The following RLN1 variants were observed in gnomAD, a reference collection of about 807,000 sequenced individuals.
The protein encoded by RLN1 is prorelaxin H1.
In RLN1, 4 loss-of-function variants were observed where a neutral mutation model predicts 7.2. The ratio of observed to expected loss-of-function variants is 0.56; its 90% CI spans 0.28 to 1.28. The LOEUF is 1.28. Ranked by LOEUF, RLN1 falls within the 50% of genes most tolerant of loss-of-function variation. The probability of loss-of-function intolerance (pLI) is 0.11; values close to 1 mark genes in which losing one functional copy is unlikely to be tolerated. For missense variants in RLN1, 293 were observed against 221.1 expected (o/e 1.32, Z -2.06); for synonymous variants, 105 against 86.0 (o/e 1.22, Z -1.22).
upstream of RLN1, chr9:5,339,937 C>T (rs1226021217): frequency 7.8e-5 from 48 of 615,116 alleles, no homozygotes; most frequent in Admixed American, 1.4e-3. Context: ...CCCTTTCCCA[C>T]ACCCCTCCAC....
intron 1 of RLN1, among the ~76,000 whole-genome samples, chr9:5,336,429 G>A (rs1324228236): frequency 6.6e-6 from 1 of 152,046 alleles, no homozygotes; most frequent in African/African-American, 2.4e-5. Context: ...CTGGCCAAAT[G>A]TGAAGGCTGG....
chr9:5,337,124 T>C (rs566855229), intron 1 of RLN1, among the ~76,000 whole-genome samples: 7 of 152,090 alleles, frequency 4.6e-5, no homozygotes, highest in Non-Finnish European at 1.0e-4. Flanking sequence ...TGACAGGTTT[T>C]GGCATTTTCC....
rs1295119730 is a variant in RLN1, at chr9:5,335,320, G to A, written c.489C>T (p.Pro163=). ...LDTHSQKKRR[P]YVALFEKCCL... is the part of the protein sequence containing the mutation. ...AACATTTCTCAAACAGTGCCACGTA[G>A]GGTCGTCTCTTTTTTTGAGAATGAG... is the stretch of plus-strand genomic sequence containing the variant. The change falls in exon 2 of 2, where the codon CCC becomes CCT. Residue 163 remains proline, a synonymous_variant. Coordinates refer to ENST00000223862, the MANE Select transcript of RLN1 (RefSeq NM_006911.4). 6.2e-7 allele frequency: 1 copy of A among 1,611,700 alleles called. No individual in the cohort carries two copies. Among genetic ancestry groups the A allele is most frequent in the Non-Finnish European group, 8.5e-7 (1 of 1,179,402 alleles).
upstream of RLN1, among the ~76,000 whole-genome samples, chr9:5,340,166 A>G (rs1405520475): frequency 1.3e-5 from 2 of 152,228 alleles, no homozygotes; most frequent in East Asian, 3.8e-4. Flanking sequence ...AGTTTTCCAG[A>G]GTGAACATTT....
Position 5,334,951 on chromosome 9 carries a change from T to G in RLN1, c.*300A>C. The G allele has an allele frequency of 4.0e-6, 1 of 247,860 alleles. No homozygotes were observed. The highest frequency in any genetic ancestry group is 7.6e-6 in the Non-Finnish European group (1 of 131,158). The allele number at this position is 247,860 out of a possible 1,614,324, so 15.4% of individuals were successfully genotyped here. A position where few individuals can be genotyped will look rare whatever the true frequency, so the allele number is the denominator to read the frequency against. ...CATGTAACTGTTGTTAGGTACTGTA[T>G]TGTTATTATGTATGGTTAAAGTGGC... On this transcript the variant is annotated 3_prime_UTR_variant, in exon 2 of 2. Transcript: ENST00000223862.
chr9:5,337,214 A>C (rs536794520), intron 1 of RLN1, among the ~76,000 whole-genome samples: 10 of 152,142 alleles, frequency 6.6e-5, no homozygotes, highest in African/African-American at 2.4e-4. Context: ...CTGTAGTTGC[A>C]GTCTTATTAA....
chr9:5,339,772 C>G lies in RLN1; in HGVS notation c.-26G>C, dbSNP rs1004669254. ...CCTGGGCCTGGTCTCTCCTGGAGGTCTGGGTGTTGCAGCCTTTCAGGACTG... is the reference window on the plus strand; with the variant it reads ...CCTGGGCCTGGTCTCTCCTGGAGGTGTGGGTGTTGCAGCCTTTCAGGACTG... On this transcript the variant is annotated 5_prime_UTR_variant, in exon 1 of 2. Coordinates refer to ENST00000223862, the MANE Select transcript of RLN1 (RefSeq NM_006911.4). 5.0e-6 allele frequency: 8 copies of G among 1,611,364 alleles called. No homozygotes were observed. Among genetic ancestry groups the G allele is most frequent in the African/African-American group, 4.0e-5 (3 of 74,374 alleles).
rs975149334 is a variant in RLN1, at chr9:5,337,404, A to C, written c.212-1807T>G. Among the ~76,000 whole-genome samples the C allele has an allele frequency of 2.0e-5, 3 of 152,074 alleles. 1 individual carries two copies. In the South Asian group the frequency reaches 6.2e-4, roughly 32 times the overall value. Reference sequence around the variant, plus strand: ...TAATCCATAACACTTTTAGCTATGGAACCTAGGCTCAGAGAAAATATTCTG... The same window carrying C: ...TAATCCATAACACTTTTAGCTATGGCACCTAGGCTCAGAGAAAATATTCTG... On this transcript the variant is annotated intron_variant, in intron 1 of 1. Coordinates refer to ENST00000223862, the MANE Select transcript of RLN1 (RefSeq NM_006911.4).
At chr9:5,337,297 G>GT (rs1816916927) in intron 1 of RLN1, among the ~76,000 whole-genome samples, 5 of 151,956 alleles carry the variant, frequency 3.3e-5, no homozygotes, top group African/African-American at 9.7e-5. Flanking sequence ...AACAGTTATA[G>GT]ATTGTATTCA....
chr9:5,335,325 G>C lies in RLN1; in HGVS notation c.484C>G (p.Arg162Gly). 2 of 1,611,964 alleles carry C rather than the reference G, an allele frequency of 1.2e-6. No individual in the cohort carries two copies. The highest frequency in any genetic ancestry group is 1.7e-6 in the Non-Finnish European group (2 of 1,179,420). ...TTCTCAAACAGTGCCACGTAGGGTC[G>C]TCTCTTTTTTTGAGAATGAGTATCC... ...GLDTHSQKKRRPYVALFEKCC... is the reference protein window; with the variant it reads ...GLDTHSQKKRGPYVALFEKCC... Residue 162 changes from arginine (R) to glycine (G), a missense_variant, in exon 2 of 2, where the codon CGA becomes GGA. Coordinates refer to ENST00000223862, the MANE Select transcript of RLN1 (RefSeq NM_006911.4).
Position 5,335,280 on chromosome 9 carries a change from T to C in RLN1, c.529A>G (p.Thr177Ala). Reference protein sequence around the residue: ...LFEKCCLIGCTKRSLAKYC With the variant: ...LFEKCCLIGCAKRSLAKYC ...CAATATTTAGCAAGAGACCTTTTGG[T>C]ACAACCAATTAGGCAACATTTCTCA... The change falls in exon 2 of 2, where the codon ACC becomes GCC. Residue 177 changes from threonine to alanine, a missense_variant. Thr to Ala is a moderately conservative substitution (Grantham distance 58). Transcript: ENST00000223862. 1 of 1,597,170 alleles carries C rather than the reference T, an allele frequency of 6.3e-7. No individual in the cohort carries two copies. The highest frequency in any genetic ancestry group is 8.5e-7 in the Non-Finnish European group (1 of 1,175,124).
rs758462200 is a variant in RLN1, at chr9:5,335,211, T to C, written c.*40A>G. The C allele has an allele frequency of 4.8e-6, 6 of 1,238,192 alleles. No homozygotes were observed. Among genetic ancestry groups the C allele is most frequent in the South Asian group, 1.5e-5 (1 of 67,648 alleles). 76.7% of individuals were successfully genotyped at this position (1,238,192 alleles called of 1,614,324 possible). ...CATCAGTGAAATGTCATCAAGACTA[T>C]GTGTGAAAATTAGACAAGATGTGCA... On this transcript the variant is annotated 3_prime_UTR_variant, in exon 2 of 2. Transcript: ENST00000223862.
chr9:5,335,566 T>C lies in RLN1; in HGVS notation c.243A>G (p.Thr81=), dbSNP rs1333095857. 1.2e-6 allele frequency: 2 copies of C among 1,610,530 alleles called. No homozygotes were observed. The highest frequency in any genetic ancestry group is 1.7e-6 in the Non-Finnish European group (2 of 1,178,208). Residue 81 remains threonine (T), a synonymous_variant, in exon 2 of 2, where the codon ACA becomes ACG. Transcript: ENST00000223862. ...ATTCCAACATGATAATTATAGTTTC[T>C]GTATCTTTGTTGATGAAGGATGGTA... ...EIVPSFINKD[T]ETIIIMLEFI...
chr9:5,335,398 T>G lies in RLN1; in HGVS notation c.411A>C (p.Gln137His), dbSNP rs1295435473. Residue 137 changes from glutamine to histidine, a missense_variant, in exon 2 of 2, where the codon CAA becomes CAC. Gln to His is a conservative substitution (Grantham distance 24). Transcript: ENST00000223862. ...AAGGATTGCTGTCTGCGGCTTCACT[T>G]TGCCTATTGCGAATAAGTTTCTTAA... ...EEFKKLIRNR[Q>H]SEAADSNPSE... The G allele has an allele frequency of 6.2e-7, 1 of 1,613,758 alleles. No homozygotes were observed. Among genetic ancestry groups the G allele is most frequent in the Non-Finnish European group, 8.5e-7 (1 of 1,179,798 alleles).
intron 1 of RLN1, among the ~76,000 whole-genome samples, chr9:5,336,667 G>T (rs545351439): frequency 5.3e-5 from 8 of 152,112 alleles, no homozygotes; most frequent in African/African-American, 1.9e-4. Flanking sequence ...ATTTCACAAA[G>T]AAATAAACAC....
In RLN1 at chr9:5,335,539, G is replaced by T. The variant is rs777803389; in HGVS notation, c.270C>A (p.Phe90Leu). The change falls in exon 2 of 2, where the codon TTC becomes TTA. Residue 90 changes from phenylalanine to leucine, a missense_variant. Transcript: ENST00000223862. ...DTETIIIMLEFIANLPPELKA... is the reference protein window; with the variant it reads ...DTETIIIMLELIANLPPELKA... ...TCAGCTCCGGTGGCAAATTAGCAAT[G>T]AATTCCAACATGATAATTATAGTTT... The T allele has an allele frequency of 5.0e-6, 8 of 1,612,764 alleles. No homozygotes were observed. In the East Asian group the frequency reaches 1.8e-4, roughly 36 times the overall value.
rs546686855 is a variant in RLN1 at position 5,336,989 on chromosome 9, AAAAACAAAAC to A, written c.212-1402_212-1393del. Among the ~76,000 whole-genome samples, 124 of 152,108 alleles carry A rather than the reference AAAAACAAAAC, an allele frequency of 8.2e-4. 2 individuals are homozygous for A. Among genetic ancestry groups the A allele is most frequent in the Non-Finnish European group, 1.1e-3 (74 of 67,992 alleles). The stretch of plus-strand genomic sequence containing the variant: ...ACAGTTGGAGTTTGACAGAGCAATA[AAAAACAAAAC>A]AAAACAAAACAAAACAAAAAACCTG... On this transcript the variant is annotated intron_variant, in intron 1 of 1. Transcript: ENST00000223862.
Position 5,336,440 on chromosome 9 carries a change from G to C in RLN1, c.212-843C>G, listed in dbSNP as rs1383694644. Among the ~76,000 whole-genome samples the C allele has an allele frequency of 2.6e-5, 4 of 152,022 alleles. 1 individual carries two copies. Among genetic ancestry groups the C allele is most frequent in the African/African-American group, 9.7e-5 (4 of 41,358 alleles). ...CAGGCTGGCCAAATGTGAAGGCTGG[G>C]ACTTGGGCTGGGAACCTGCTGGACA... On this transcript the variant is annotated intron_variant, in intron 1 of 1. Coordinates refer to ENST00000223862, the MANE Select transcript of RLN1 (RefSeq NM_006911.4).
chr9:5,335,146 G>T lies in RLN1; in HGVS notation c.*105C>A. On this transcript the variant is annotated 3_prime_UTR_variant, in exon 2 of 2. Transcript: ENST00000223862. ...AATGAAAAATCTAAACATTAATAAA[G>T]ATTTCTTATATTCTAATAATTAGTG... 1.6e-6 allele frequency: 1 copy of T among 623,224 alleles called. No homozygotes were observed. The highest frequency in any genetic ancestry group is 3.2e-5 in the South Asian group (1 of 30,856). 38.6% of individuals were successfully genotyped at this position (623,224 alleles called of 1,614,324 possible).
Sources: gnomAD v4.1 joint callset for allele counts (sites outside exome capture counted in the v4.1 genomes callset) on GRCh38, gnomAD v4.1.1 for gene constraint, MANE v1.5 for transcripts, NCBI Gene and HGNC (gene_info 2026-07-23, HGNC 2026-07-21) for gene names.